The following PDZRN3 variants were observed in gnomAD, a reference collection of about 807,000 sequenced individuals.
The protein encoded by PDZRN3 is E3 ubiquitin-protein ligase PDZRN3.
PDZRN3 carries 38 observed loss-of-function variants against 85.7 expected under a neutral mutation model. That is an observed-to-expected ratio of 0.44 (90% confidence interval 0.34 to 0.58). PDZRN3 has a LOEUF of 0.58. PDZRN3 is among the 20% of genes least tolerant of loss of function. The pLI is 0.01. For missense variants in PDZRN3, 1,629 were observed against 1,506.4 expected (o/e 1.08, Z -1.35); for synonymous variants, 759 against 638.0 (o/e 1.19, Z -2.86).
intron 3 of PDZRN3, among the ~76,000 whole-genome samples, chr3:73,405,206 G>A (rs1322877180): frequency 1.3e-5 from 2 of 152,216 alleles, no homozygotes; most frequent in Non-Finnish European, 1.5e-5. Context: ...GGGTCAGAAC[G>A]TTGGACGCGG....
intron 5 of PDZRN3, among the ~76,000 whole-genome samples, chr3:73,395,192 T>A (rs999948808): frequency 6.6e-6 from 1 of 152,246 alleles, no homozygotes; most frequent in African/African-American, 2.4e-5. Context: ...CAGTGGAAAG[T>A]AAAATTCCTC....
intron 3 of PDZRN3, among the ~76,000 whole-genome samples, chr3:73,405,377 C>G (rs1701832217): frequency 6.6e-6 from 1 of 152,186 alleles, no homozygotes; most frequent in African/African-American, 2.4e-5. Context: ...CCTCTCTTTT[C>G]CCTTCCCCCA....
chr3:73,534,841 G>A (rs1053942121), intron 3 of PDZRN3, among the ~76,000 whole-genome samples: 3 of 152,126 alleles, frequency 2.0e-5, no homozygotes, highest in African/African-American at 2.4e-5. Context: ...TTTGCTATCC[G>A]GTCTTCAAAA....
chr3:73,444,057 T>C (rs1417338278), intron 3 of PDZRN3, among the ~76,000 whole-genome samples: 1 of 152,172 alleles, frequency 6.6e-6, no homozygotes, highest in East Asian at 1.9e-4. Context: ...ATCTGTCTCA[T>C]CAGCCTTTCC....
intron 3 of PDZRN3, among the ~76,000 whole-genome samples, chr3:73,527,154 C>T (rs1031662877): frequency 1.3e-5 from 2 of 152,152 alleles, no homozygotes; most frequent in Admixed American, 6.5e-5. Flanking sequence ...TTAGTTTTTA[C>T]CTTCTGTGAA....
In PDZRN3 at chr3:73,391,198, C is replaced by A. The variant is rs528192462; in HGVS notation, c.1255-82G>T. On this transcript the variant is annotated intron_variant, in intron 5 of 9. Coordinates refer to ENST00000263666, the MANE Select transcript of PDZRN3 (RefSeq NM_015009.3). ...ATGTCAAATGCTTTAAAAATATTAT[C>A]TTCAAATGAGGAACTGGATTTCTTT... 3 of 864,040 alleles carry A rather than the reference C, an allele frequency of 3.5e-6. No homozygotes were observed. In the Admixed American group the frequency reaches 5.7e-5, roughly 16 times the overall value. 53.5% of individuals were successfully genotyped at this position (864,040 alleles called of 1,614,324 possible). A position where few individuals can be genotyped will look rare whatever the true frequency, so the allele number is the denominator to read the frequency against.
Position 73,425,017 on chromosome 3 carries a change from AT to A in PDZRN3, c.919-20623del, listed in dbSNP as rs201821381. 7.2e-3 allele frequency among the ~76,000 whole-genome samples: 1,027 copies of A among 143,320 alleles called. 6 individuals carry two copies. Among genetic ancestry groups the A allele is most frequent in the African/African-American group, 0.021 (834 of 39,052 alleles). 94.0% of individuals were successfully genotyped at this position (143,320 alleles called of 152,430 possible). ...TTCACTCATCCACTCATCCATCAGTATTTTTTTTTTTTTTTGAGACGGAGTC... is the reference window on the plus strand; with the variant it reads ...TTCACTCATCCACTCATCCATCAGTATTTTTTTTTTTTTTGAGACGGAGTC... On this transcript the variant is annotated intron_variant, in intron 3 of 9. Transcript: ENST00000263666.
intron 3 of PDZRN3, among the ~76,000 whole-genome samples, chr3:73,599,998 C>T (rs577237583): frequency 6.6e-6 from 1 of 152,202 alleles, no homozygotes; most frequent in South Asian, 2.1e-4. Flanking sequence ...ATAAATGTTA[C>T]TTGTAAATTT....
chr3:73,549,526 C>A (rs904443905), intron 3 of PDZRN3, among the ~76,000 whole-genome samples: 1 of 152,184 alleles, frequency 6.6e-6, no homozygotes, highest in African/African-American at 2.4e-5. Context: ...GACGATGATG[C>A]AGCAAGTACA....
chr3:73,621,895 T>C (rs989711148), intron 1 of PDZRN3: 1 of 152,168 alleles, frequency 6.6e-6, no homozygotes, highest in Non-Finnish European at 1.5e-5. Context: ...GATTCAAGTA[T>C]CATATTTTTG....
chr3:73,453,672 T>A (rs1702921079), intron 3 of PDZRN3, among the ~76,000 whole-genome samples: 1 of 152,118 alleles, frequency 6.6e-6, no homozygotes, highest in Admixed American at 6.5e-5. Context: ...GATATTGTAA[T>A]GCAAAACACA....
rs938387412 is a variant in PDZRN3, at chr3:73,527,557, C to T, written c.918+74797G>A. 2.0e-5 allele frequency among the ~76,000 whole-genome samples: 3 copies of T among 151,992 alleles called. No homozygotes were observed. The South Asian group carries it at 6.2e-4, about 32-fold the overall frequency. Reference sequence around the variant, plus strand: ...TGTACTAGAATCTGACTGTCAGCCTCGCTATTTCCAATTCCTAAATCTAGG... The same window carrying T: ...TGTACTAGAATCTGACTGTCAGCCTTGCTATTTCCAATTCCTAAATCTAGG... On this transcript the variant is annotated intron_variant, in intron 3 of 9. Transcript: ENST00000263666.
chr3:73,545,341 T>A (rs1026367799), intron 3 of PDZRN3, among the ~76,000 whole-genome samples: 6 of 152,220 alleles, frequency 3.9e-5, no homozygotes, highest in African/African-American at 1.4e-4. Context: ...AGAAACTCTT[T>A]GGGGAAGGGA....
intron 3 of PDZRN3, among the ~76,000 whole-genome samples, chr3:73,456,232 CCTT>C (rs1302131413): frequency 1.3e-5 from 2 of 151,950 alleles, no homozygotes; most frequent in East Asian, 3.9e-4. Flanking sequence ...GTGCGCTTCT[CCTT>C]GTTATCATGG....
intron 3 of PDZRN3, chr3:73,433,890 C>T (rs1702481513): frequency 7.0e-7 from 1 of 1,431,440 alleles, no homozygotes; most frequent in African/African-American, 1.4e-5. Flanking sequence ...TCCACGCTTC[C>T]CTTCCTCCCC....
rs1702433979 is a variant in PDZRN3 at position 73,431,681 on chromosome 3, C to G, written c.919-27286G>C. 2.6e-5 allele frequency among the ~76,000 whole-genome samples: 4 copies of G among 152,144 alleles called. No individual in the cohort carries two copies. In the South Asian group the frequency reaches 8.3e-4, roughly 31 times the overall value. ...TGGGTCTGAAAAGTAGTTTGAGTTTCTTGAAAATAAATCTGCATGGCTTCC... is the reference window on the plus strand; with the variant it reads ...TGGGTCTGAAAAGTAGTTTGAGTTTGTTGAAAATAAATCTGCATGGCTTCC... On this transcript the variant is annotated intron_variant, in intron 3 of 9. Coordinates refer to ENST00000263666, the MANE Select transcript of PDZRN3 (RefSeq NM_015009.3).
intron 3 of PDZRN3, among the ~76,000 whole-genome samples, chr3:73,591,768 G>A (rs990571201): frequency 6.6e-6 from 1 of 152,180 alleles, no homozygotes; most frequent in African/African-American, 2.4e-5. Flanking sequence ...CCAAGATCAT[G>A]AAGCTCGCAA....
At chr3:73,478,241 G>A (rs1703496347) in intron 3 of PDZRN3, among the ~76,000 whole-genome samples, 1 of 152,136 alleles carries the variant, frequency 6.6e-6, no homozygotes, top group South Asian at 2.1e-4. Flanking sequence ...GAAGGGAGAG[G>A]TGGGTGAGTG....
At chr3:73,608,361 C>A (rs1427857388) in intron 2 of PDZRN3, among the ~76,000 whole-genome samples, 2 of 150,314 alleles carry the variant, frequency 1.3e-5, no homozygotes, top group African/African-American at 5.0e-5. Context: ...AAGAAATGCA[C>A]CCCCAAAACC....
Sources: gnomAD v4.1 joint callset for allele counts (sites outside exome capture counted in the v4.1 genomes callset) on GRCh38, gnomAD v4.1.1 for gene constraint, MANE v1.5 for transcripts, NCBI Gene and HGNC (gene_info 2026-07-23, HGNC 2026-07-21) for gene names.